CSGALNACT1: variants seen among roughly 807,000 people sequenced by gnomAD.
CSGALNACT1 encodes beta4GalNAcT-1.
In CSGALNACT1, 52 loss-of-function variants were observed where a neutral mutation model predicts 51.0. That is an observed-to-expected ratio of 1.02 (90% CI 0.82 to 1.29). CSGALNACT1 has a LOEUF of 1.29. CSGALNACT1 is among the 50% of genes most tolerant of loss of function. The pLI is 0.00. For missense variants in CSGALNACT1, 935 were observed against 679.2 expected (o/e 1.38, Z -4.19); for synonymous variants, 341 against 254.4 (o/e 1.34, Z -3.24).
chr8:19,494,340 T>C (rs1202750524), intron 4 of CSGALNACT1, among the ~76,000 whole-genome samples: 1 of 152,216 alleles, frequency 6.6e-6, no homozygotes, highest in Non-Finnish European at 1.5e-5. Context: ...ACACCAATTC[T>C]ACACATCTTG....
chr8:19,528,189 T>A (rs1330414936), intron 3 of CSGALNACT1, among the ~76,000 whole-genome samples: 1 of 151,766 alleles, frequency 6.6e-6, no homozygotes, highest in Non-Finnish European at 1.5e-5. Context: ...TTGCCACGTA[T>A]CCCGGTCATG....
chr8:19,458,737 A>T, intron 4 of CSGALNACT1, 95 bp from the exon 4 acceptor site: 3 of 1,148,890 alleles, frequency 2.6e-6, no homozygotes, highest in Non-Finnish European at 3.9e-6. Context: ...GCCTTTAAAA[A>T]GTGTTTAAGA....
At chr8:19,685,665 G>T (rs2060932302), upstream of CSGALNACT1, among the ~76,000 whole-genome samples, 1 of 152,130 alleles carries the variant, frequency 6.6e-6, no homozygotes. Flanking sequence ...GGCTGAAGGT[G>T]CCCCTGATGG....
At chr8:19,745,196 A>C (rs1349158717) in intron 1 of CSGALNACT1, among the ~76,000 whole-genome samples, 1 of 152,258 alleles carries the variant, frequency 6.6e-6, no homozygotes, top group Non-Finnish European at 1.5e-5. Flanking sequence ...TTTAGCACAT[A>C]GTAAAACTTC....
chr8:19,414,023 C>T (rs1314822010), intron 8 of CSGALNACT1, among the ~76,000 whole-genome samples: 2 of 152,196 alleles, frequency 1.3e-5, no homozygotes, highest in African/African-American at 4.8e-5. Context: ...AGCCAGCTTG[C>T]ACCAGCTCAC....
At chr8:19,521,396 C>G (rs2080663135) in intron 3 of CSGALNACT1, among the ~76,000 whole-genome samples, 2 of 152,120 alleles carry the variant, frequency 1.3e-5, no homozygotes, top group African/African-American at 4.8e-5. Context: ...AGAGTAGGGC[C>G]CAGGGGGCCG....
At chr8:19,409,262 C>T (rs532630553) in intron 8 of CSGALNACT1, among the ~76,000 whole-genome samples, 5 of 152,326 alleles carry the variant, frequency 3.3e-5, no homozygotes, top group South Asian at 2.1e-4. Flanking sequence ...TGTTAACTCT[C>T]GCTTGCTGAG....
intron 3 of CSGALNACT1, among the ~76,000 whole-genome samples, chr8:19,529,219 A>T (rs1371818011): frequency 6.6e-6 from 1 of 152,192 alleles, no homozygotes; most frequent in Non-Finnish European, 1.5e-5. Flanking sequence ...TGAATTAAAG[A>T]CAGAGTGGGA....
intron 5 of CSGALNACT1, among the ~76,000 whole-genome samples, chr8:19,449,583 C>T (rs777920003): frequency 1.8e-4 from 27 of 152,102 alleles, no homozygotes; most frequent in Non-Finnish European, 2.8e-4. Context: ...TTCAGAACCA[C>T]CTTAATGGTT....
intron 1 of CSGALNACT1, among the ~76,000 whole-genome samples, chr8:19,638,039 G>T (rs1389793937): frequency 6.6e-6 from 1 of 152,124 alleles, no homozygotes; most frequent in Non-Finnish European, 1.5e-5. Context: ...CTGATATGAG[G>T]AAGTTTCGAT....
chr8:19,500,760 C>T (rs977010073), intron 4 of CSGALNACT1, among the ~76,000 whole-genome samples: 9 of 152,206 alleles, frequency 5.9e-5, no homozygotes, highest in Non-Finnish European at 1.3e-4. Context: ...TAAAACGTAT[C>T]TCAAGGTGCC....
intron 6 of CSGALNACT1, among the ~76,000 whole-genome samples, chr8:19,437,127 C>T (rs2060504215): frequency 6.6e-6 from 1 of 151,718 alleles, no homozygotes; most frequent in African/African-American, 2.4e-5. Context: ...AAATCGCGCA[C>T]CAAGTGCCAG....
At chr8:19,522,627 T>C (rs1236565311) in intron 3 of CSGALNACT1, among the ~76,000 whole-genome samples, 4 of 152,114 alleles carry the variant, frequency 2.6e-5, no homozygotes, top group Non-Finnish European at 5.9e-5. Context: ...GCAGAAGCAT[T>C]TTTCTGCACC....
intron 5 of CSGALNACT1, among the ~76,000 whole-genome samples, chr8:19,457,335 G>A (rs571374557): frequency 6.6e-6 from 1 of 152,292 alleles, no homozygotes; most frequent in South Asian, 2.1e-4. Context: ...AATCAAGGCT[G>A]GGCACGGTGG....
chr8:19,603,833 A>G (rs1270729462), upstream of CSGALNACT1, among the ~76,000 whole-genome samples: 5 of 152,252 alleles, frequency 3.3e-5, no homozygotes, highest in African/African-American at 1.2e-4. Flanking sequence ...TGTTTTAACA[A>G]TGAAAACAAA....
At chr8:19,697,007 A>ATT (rs2061620045) in intron 1 of CSGALNACT1, among the ~76,000 whole-genome samples, 1 of 152,146 alleles carries the variant, frequency 6.6e-6, no homozygotes, top group South Asian at 2.1e-4. Context: ...GGAGGTAAAG[A>ATT]TGGTAAGGAC....
At chr8:19,667,028 G>GA (rs1564386726) in intron 1 of CSGALNACT1, among the ~76,000 whole-genome samples, 19 of 27,886 alleles carry the variant, frequency 6.8e-4, no homozygotes, top group African/African-American at 3.5e-3. Flanking sequence ...AGGAAGGAAG[G>GA]AAGGAAGGAA....
Position 19,549,783 on chromosome 8 carries a change from G to A in CSGALNACT1, c.-297+41377C>T, listed in dbSNP as rs146519828. ...TGTCTGAAAATATCCCTATTCTACC[G>A]TTGCATTTGGCTGACAGTTTGACCA... On this transcript the variant is annotated intron_variant, in intron 3 of 9. Transcript: ENST00000454498. Among the ~76,000 whole-genome samples, 102 of 147,942 alleles carry A rather than the reference G, an allele frequency of 6.9e-4. 1 individual carries two copies. Among genetic ancestry groups the A allele is most frequent in the Middle Eastern group, 3.7e-3 (1 of 268 alleles).
intron 1 of CSGALNACT1, among the ~76,000 whole-genome samples, chr8:19,753,673 A>G (rs1171413975): frequency 6.6e-6 from 1 of 152,098 alleles, no homozygotes; most frequent in Non-Finnish European, 1.5e-5. Flanking sequence ...AACTGTTTCT[A>G]ATTTTACTTA....
Sources: allele counts gnomAD v4.1 joint callset (sites outside exome capture counted in the v4.1 genomes callset), GRCh38; gene constraint gnomAD v4.1.1; transcripts MANE v1.5; gene names NCBI Gene and HGNC (gene_info 2026-07-23, HGNC 2026-07-21).